CAPS2: variants seen among roughly 807,000 people sequenced by gnomAD.
The protein encoded by CAPS2 is calcyphosine 2.
A neutral mutation model predicts 86.5 loss-of-function variants in CAPS2; 98 were observed. The observed-to-expected ratio is 1.13, with a 90% confidence interval of 0.96 to 1.34. The LOEUF is 1.34. Among genes scored for constraint, CAPS2 ranks in the 40% most tolerant of loss-of-function variants. CAPS2 has a pLI of 0.00. For missense variants in CAPS2, 729 were observed against 686.8 expected, an observed-to-expected ratio of 1.06 and a Z score of -0.69; for synonymous variants, 210 against 225.1, an observed-to-expected ratio of 0.93 and a Z score of 0.60.
chr12:75,346,856 T>C lies in CAPS2; in HGVS notation c.-394-23634A>G, dbSNP rs1305210407. 2.6e-5 allele frequency among the ~76,000 whole-genome samples: 4 copies of C among 152,164 alleles called. No homozygotes were observed. In the East Asian group the frequency reaches 7.7e-4, roughly 29 times the overall value. On this transcript the variant is annotated intron_variant, in intron 1 of 5. Coordinates refer to the CAPS2 transcript ENST00000551829. ...AATAAATGAGATCAGAAATTTGTGT[T>C]GTTAAAATTTATTCTGTGTCTAAAT...
intron 1 of CAPS2, chr12:75,369,666 T>A: frequency 1.0e-6 from 1 of 984,820 alleles, no homozygotes. Context: ...GAATTGGGAA[T>A]GAAAGAGTGG....
chr12:75,363,878 C>G (rs534565512), intron 1 of CAPS2, among the ~76,000 whole-genome samples: 1 of 152,082 alleles, frequency 6.6e-6, no homozygotes, highest in Non-Finnish European at 1.5e-5. Flanking sequence ...GCAAGATGTA[C>G]ATTAGTTCTG....
upstream of CAPS2, among the ~76,000 whole-genome samples, chr12:75,330,710 A>G (rs986858812): frequency 2.0e-5 from 3 of 152,096 alleles, no homozygotes; most frequent in Non-Finnish European, 4.4e-5. Context: ...TTGTGTGTGT[A>G]TATATAATTA....
chr12:75,331,809 C>T (rs988142640), upstream of CAPS2, among the ~76,000 whole-genome samples: 1 of 151,928 alleles, frequency 6.6e-6, no homozygotes, highest in African/African-American at 2.4e-5. Flanking sequence ...GTGATCCGCC[C>T]CCCTCGGCCT....
chr12:75,284,231 G>GT (rs1454685709), intron 15 of CAPS2, among the ~76,000 whole-genome samples: 3 of 152,102 alleles, frequency 2.0e-5, no homozygotes, highest in Non-Finnish European at 2.9e-5. Context: ...TTTTTACTAT[G>GT]TCTCTTGCCC....
chr12:75,280,316 T>C (rs188649133), intron 16 of CAPS2, among the ~76,000 whole-genome samples: 3 of 151,962 alleles, frequency 2.0e-5, no homozygotes, highest in African/African-American at 7.2e-5. Context: ...TTTGCAATAA[T>C]AAATAATAAT....
At chr12:75,370,811 T>A (rs1373093527) in intron 1 of CAPS2, among the ~76,000 whole-genome samples, 3 of 152,194 alleles carry the variant, frequency 2.0e-5, no homozygotes, top group Non-Finnish European at 4.4e-5. Flanking sequence ...TTAGTATAGG[T>A]AACAACATTT....
chr12:75,354,537 G>A (rs185489936), intron 1 of CAPS2, among the ~76,000 whole-genome samples: 215 of 152,238 alleles, frequency 1.4e-3, no homozygotes, highest in African/African-American at 3.4e-3. Flanking sequence ...AATCAATATC[G>A]TGAAAATGGC....
At chr12:75,370,063 G>C (rs1016048028) in intron 1 of CAPS2, 4 of 1,487,264 alleles carry the variant, frequency 2.7e-6, no homozygotes, top group Non-Finnish European at 3.7e-6. Context: ...AACTATTCTG[G>C]TTTTGTTTTT....
intron 1 of CAPS2, chr12:75,370,649 C>G (rs1383355824): frequency 6.6e-6 from 1 of 152,186 alleles, no homozygotes. Context: ...GAATTAAACT[C>G]AAAAAGTTAA....
At chr12:75,287,661 G>A (rs1322859934) in intron 14 of CAPS2, among the ~76,000 whole-genome samples, 2 of 152,140 alleles carry the variant, frequency 1.3e-5, no homozygotes, top group Non-Finnish European at 2.9e-5. Flanking sequence ...GGGCATGAAA[G>A]CTCTGCACTC....
downstream of CAPS2, chr12:75,276,883 CAA>C: frequency 1.0e-6 from 1 of 981,016 alleles, no homozygotes; most frequent in Non-Finnish European, 1.2e-6. Flanking sequence ...TTTAGAATTA[CAA>C]AGACTATTAA....
At chr12:75,349,817 C>T (rs545300738) in intron 1 of CAPS2, among the ~76,000 whole-genome samples, 21 of 152,108 alleles carry the variant, frequency 1.4e-4, no homozygotes, top group Admixed American at 3.9e-4. Context: ...GACCCTATCT[C>T]TTTAAAAAAA....
intron 11 of CAPS2, among the ~76,000 whole-genome samples, chr12:75,296,800 G>C (rs375045999): frequency 6.6e-6 from 1 of 152,140 alleles, no homozygotes; most frequent in East Asian, 1.9e-4. Context: ...GAATATTTCT[G>C]CATAAAACAA....
intron 1 of CAPS2, among the ~76,000 whole-genome samples, chr12:75,355,914 T>C (rs899713802): frequency 2.0e-5 from 3 of 152,054 alleles, no homozygotes; most frequent in Admixed American, 6.6e-5. Context: ...CATTTACAAA[T>C]GGGAGCTGAA....
At chr12:75,298,621 C>T (rs2037291189) in intron 11 of CAPS2, 66 bp downstream of exon 11, 4 of 1,237,038 alleles carry the variant, frequency 3.2e-6, no homozygotes, top group Non-Finnish European at 4.7e-6. Context: ...TACTCCTCCA[C>T]CTCCATGGGA....
intron 8 of CAPS2, among the ~76,000 whole-genome samples, chr12:75,301,499 C>G (rs1306014138): frequency 6.6e-6 from 1 of 152,194 alleles, no homozygotes; most frequent in African/African-American, 2.4e-5. Flanking sequence ...GTACAGCTAC[C>G]ACTTATTGAG....
At chr12:75,379,954 G>C (rs2044869786) in intron 1 of CAPS2, among the ~76,000 whole-genome samples, 1 of 151,558 alleles carries the variant, frequency 6.6e-6, no homozygotes, top group South Asian at 2.1e-4. Flanking sequence ...GCCCAGACTA[G>C]GACATTCTCT....
At chr12:75,340,136 CAT>C (rs1008079051) in intron 1 of CAPS2, among the ~76,000 whole-genome samples, 1 of 149,990 alleles carries the variant, frequency 6.7e-6, no homozygotes, top group Non-Finnish European at 1.5e-5. Flanking sequence ...TTTATACACA[CAT>C]ATATATAAAA....
Sources: gnomAD v4.1 joint callset for allele counts (sites outside exome capture counted in the v4.1 genomes callset) on GRCh38, gnomAD v4.1.1 for gene constraint, MANE v1.5 for transcripts, NCBI Gene and HGNC (gene_info 2026-07-23, HGNC 2026-07-21) for gene names.